MASP1: variants seen among roughly 807,000 people sequenced by gnomAD.
The protein encoded by MASP1 is MBL associated serine protease 1.
Under a neutral mutation model 77.1 loss-of-function variants are expected in MASP1, and 59 were observed. That is an observed-to-expected ratio of 0.77 (90% CI 0.62 to 0.95). The LOEUF is 0.95. Ranked by LOEUF, MASP1 falls within the 40% of genes least tolerant of loss-of-function variation. MASP1 has a pLI of 0.00. For missense variants in MASP1, 885 were observed against 912.9 expected (o/e 0.97, Z 0.39); for synonymous variants, 362 against 354.5 (o/e 1.02, Z -0.24).
intron 2 of MASP1, among the ~76,000 whole-genome samples, chr3:187,284,345 T>C (rs995528227): frequency 2.6e-5 from 4 of 152,194 alleles, no homozygotes; most frequent in African/African-American, 9.7e-5. Context: ...ATGATTGCCA[T>C]AACTGGTGGG....
intron 8 of MASP1, among the ~76,000 whole-genome samples, chr3:187,245,249 G>A (rs1437294448): frequency 2.6e-5 from 4 of 152,056 alleles, no homozygotes; most frequent in Admixed American, 1.3e-4. Context: ...TGTTAAAGCC[G>A]ATTTTTCCTC....
At chr3:187,228,235 C>T (rs1054084917) in intron 11 of MASP1, among the ~76,000 whole-genome samples, 1 of 147,766 alleles carries the variant, frequency 6.8e-6, no homozygotes, top group African/African-American at 2.5e-5. Flanking sequence ...TGCAGTGAGC[C>T]GAGATTGCAC....
chr3:187,256,457 G>C (rs887609900), intron 5 of MASP1: 1 of 620,548 alleles, frequency 1.6e-6, no homozygotes, highest in African/African-American at 1.8e-5. Context: ...AGCCACCCTA[G>C]TGGCCAGTGG....
chr3:187,274,835 G>C (rs562997999), intron 2 of MASP1, among the ~76,000 whole-genome samples: 1 of 152,174 alleles, frequency 6.6e-6, no homozygotes, highest in Admixed American at 6.6e-5. Context: ...GCTCTGGACA[G>C]AAAAGGGCAG....
chr3:187,238,415 C>T lies in MASP1; in HGVS notation c.1304-1848G>A, dbSNP rs1362603972. The stretch of plus-strand genomic sequence containing the variant: ...TTTTTCTCCTTGATGTGTTCTTGTC[C>T]TTTTAAGAGGCTGAATGATTCAACA... On this transcript the variant is annotated intron_variant, in intron 10 of 10. Coordinates refer to ENST00000296280, the MANE Select transcript of MASP1 (RefSeq NM_139125.4). 2.6e-5 allele frequency among the ~76,000 whole-genome samples: 4 copies of T among 152,312 alleles called. No individual in the cohort carries two copies. The East Asian group carries it at 7.7e-4, about 29-fold the overall frequency.
intron 9 of MASP1, chr3:187,243,158 T>A: frequency 2.8e-6 from 1 of 353,892 alleles, no homozygotes. Context: ...TCCTTTAGGG[T>A]CTCGTTTCTT....
Position 187,250,327 on chromosome 3 carries a change from A to G in MASP1, c.1014T>C (p.Asp338=), listed in dbSNP as rs761614913. The G allele has an allele frequency of 3.7e-6, 6 of 1,611,324 alleles. No individual in the cohort carries two copies. Among genetic ancestry groups the G allele is most frequent in the Non-Finnish European group, 5.1e-6 (6 of 1,177,442 alleles). The change falls in exon 8 of 11, where the codon GAT becomes GAC. Residue 338 remains aspartate, a splice_region_variant and synonymous_variant. Coordinates refer to ENST00000296280, the MANE Select transcript of MASP1 (RefSeq NM_139125.4). The stretch of plus-strand genomic sequence containing the variant: ...TCTGGAATGTGTCCATCTCCACATT[A>G]TCCTGGGAAGAGACAGGAAGAAGGG... ...SCDTGYKVLK[D]NVEMDTFQIE...
At chr3:187,252,988 C>G (rs1309673085) in intron 6 of MASP1, among the ~76,000 whole-genome samples, 180 bp downstream of exon 6, 1 of 152,196 alleles carries the variant, frequency 6.6e-6, no homozygotes, top group East Asian at 1.9e-4. Context: ...GCCCTTGCCC[C>G]CATTTTATAG....
At chr3:187,237,324 T>C (rs532089166) in intron 10 of MASP1, among the ~76,000 whole-genome samples, 2 of 149,996 alleles carry the variant, frequency 1.3e-5, no homozygotes, top group Admixed American at 6.8e-5. Context: ...TTAAGTCAGA[T>C]AGCAGAAGCT....
rs1560239005 is a variant in MASP1 at position 187,236,263 on chromosome 3, A to G, written c.1608T>C (p.Ala536=). 6.2e-7 allele frequency: 1 copy of G among 1,614,250 alleles called. No individual in the cohort carries two copies. The highest frequency in any genetic ancestry group is 8.5e-7 in the Non-Finnish European group (1 of 1,180,028). Residue 536 remains alanine, a synonymous_variant, in exon 11 of 11, where the codon GCT becomes GCC. Transcript: ENST00000296280. ...RDKSGAVNSS[A]ARVVLHPDFN... ...AGTCTGGGTGGAGCACCACTCGGGCAGCTGAGCTGTTGACTGCCCCCGATT... is the reference window on the plus strand; with the variant it reads ...AGTCTGGGTGGAGCACCACTCGGGCGGCTGAGCTGTTGACTGCCCCCGATT...
At chr3:187,243,775 GCAGTGTA>G in intron 8 of MASP1, 154 bp from the exon 9 acceptor site, 3 of 868,954 alleles carry the variant, frequency 3.5e-6, no homozygotes, top group African/African-American at 1.6e-5. Context: ...CCTGGGGTGT[GCAGTGTA>G]CAGCCTGTGA....
chr3:187,263,779 G>A (rs1021638402), intron 2 of MASP1, among the ~76,000 whole-genome samples: 13 of 152,158 alleles, frequency 8.5e-5, no homozygotes, highest in Non-Finnish European at 5.9e-5. Flanking sequence ...CGAATTCAGA[G>A]ATCCAAGCAG....
chr3:187,268,061 T>G (rs1716190110), intron 2 of MASP1, among the ~76,000 whole-genome samples: 1 of 152,200 alleles, frequency 6.6e-6, no homozygotes, highest in African/African-American at 2.4e-5. Context: ...GTTTTAGGAT[T>G]GGCTAGCAAG....
At chr3:187,285,711 T>C in intron 2 of MASP1, 114 bp downstream of exon 2, 1 of 825,858 alleles carries the variant, frequency 1.2e-6, no homozygotes, top group South Asian at 1.4e-5. Flanking sequence ...CATACCATTG[T>C]GATGTTGTGT....
chr3:187,282,131 G>A (rs1236245556), intron 2 of MASP1, among the ~76,000 whole-genome samples: 2 of 152,170 alleles, frequency 1.3e-5, no homozygotes, highest in Non-Finnish European at 2.9e-5. Flanking sequence ...CAAGAAGGAT[G>A]AGCAAGCAAA....
At position 187,258,731 on chromosome 3, in the gene MASP1, G is replaced by A. The variant is rs562246942; in HGVS notation, c.548-1871C>T. Among the ~76,000 whole-genome samples, 465 of 152,272 alleles carry A rather than the reference G, an allele frequency of 3.1e-3. 3 individuals carry two copies. Among genetic ancestry groups the A allele is most frequent in the Admixed American group, 7.2e-3 (110 of 15,296 alleles). ...CAATCACAGAGTTTTGGCCAGTCAC[G>A]GGTGGCCATCTGTTCAAACTGCCTT... On this transcript the variant is annotated intron_variant, in intron 4 of 10. Coordinates refer to ENST00000296280, the MANE Select transcript of MASP1 (RefSeq NM_139125.4).
At chr3:187,268,544 G>T (rs201651467) in intron 2 of MASP1, among the ~76,000 whole-genome samples, 2 of 83,248 alleles carry the variant, frequency 2.4e-5, no homozygotes, top group Non-Finnish European at 5.7e-5. Flanking sequence ...GAAAAGAAAA[G>T]AAAATAGAAA....
chr3:187,290,476 T>C (rs1408321722), intron 1 of MASP1, among the ~76,000 whole-genome samples: 1 of 152,206 alleles, frequency 6.6e-6, no homozygotes, highest in Non-Finnish European at 1.5e-5. Context: ...TAGATTGACA[T>C]AAATCACTTT....
chr3:187,223,304 C>A, intron 13 of MASP1: 2 of 913,218 alleles, frequency 2.2e-6, no homozygotes, highest in South Asian at 1.4e-5. Context: ...CTGGATTGTT[C>A]TTCTCAGAGA....
Sources: gnomAD v4.1 joint callset for allele counts (sites outside exome capture counted in the v4.1 genomes callset) on GRCh38, gnomAD v4.1.1 for gene constraint, MANE v1.5 for transcripts, NCBI Gene and HGNC (gene_info 2026-07-23, HGNC 2026-07-21) for gene names.